Variants in PLPPR1 observed in about 807,000 individuals in gnomAD.
PLPPR1 encodes the protein phospholipid phosphatase related 1.
A neutral mutation model predicts 33.1 loss-of-function variants in PLPPR1; 10 were observed. The observed-to-expected ratio is 0.30, with a 90% CI of 0.19 to 0.51. The LOEUF (loss-of-function observed/expected upper bound fraction) is 0.51. Among genes scored for constraint, PLPPR1 ranks in the 20% least tolerant of loss-of-function variants. The pLI, the probability that PLPPR1 is intolerant of heterozygous loss-of-function variation, is 0.97. For synonymous variants in PLPPR1, 151 were observed against 151.0 expected (o/e 1.00, Z 0.00); for missense variants, 304 against 408.1 (o/e 0.74, Z 2.20).
At chr9:101,147,684 T>C (rs1831537137) in intron 1 of PLPPR1, among the ~76,000 whole-genome samples, 1 of 152,052 alleles carries the variant, frequency 6.6e-6, no homozygotes, top group South Asian at 2.1e-4. Context: ...ACAGCAGGTA[T>C]TTTGGGAGTG....
chr9:101,035,804 G>A (rs1830003791), intron 1 of PLPPR1, among the ~76,000 whole-genome samples: 1 of 152,120 alleles, frequency 6.6e-6, no homozygotes, highest in African/African-American at 2.4e-5. Context: ...CAAGTTCAAA[G>A]ATTCGTTAGA....
intron 1 of PLPPR1, among the ~76,000 whole-genome samples, chr9:101,033,213 A>G (rs1200004402): frequency 1.3e-5 from 2 of 152,200 alleles, no homozygotes; most frequent in Non-Finnish European, 2.9e-5. Flanking sequence ...TGGGGAAAAA[A>G]CATAGTCAGA....
intron 4 of PLPPR1, among the ~76,000 whole-genome samples, chr9:101,291,356 G>A (rs1029209228): frequency 3.0e-4 from 46 of 152,316 alleles, no homozygotes; most frequent in African/African-American, 9.4e-4. Context: ...CACCTCTGGG[G>A]GCAGGGCACA....
intron 1 of PLPPR1, among the ~76,000 whole-genome samples, chr9:101,154,360 G>GGCT (rs1033672812): frequency 1.3e-5 from 2 of 152,018 alleles, no homozygotes; most frequent in African/African-American, 4.8e-5. Flanking sequence ...TTGGTTGGTA[G>GGCT]ACTATTAATT....
At chr9:101,081,418 C>A (rs1830617918) in intron 1 of PLPPR1, among the ~76,000 whole-genome samples, 1 of 152,106 alleles carries the variant, frequency 6.6e-6, no homozygotes, top group African/African-American at 2.4e-5. Context: ...TGGTCTGGAA[C>A]TCCTGACCTC....
chr9:101,213,936 T>C (rs411448), intron 2 of PLPPR1, among the ~76,000 whole-genome samples: 97,943 of 152,114 alleles, frequency 0.64, 31,991 homozygotes, highest in East Asian at 0.91. Context: ...CAAACTTCTA[T>C]GACTCCTTAT....
chr9:101,224,295 G>A (rs999669788), intron 2 of PLPPR1, among the ~76,000 whole-genome samples: 1 of 152,116 alleles, frequency 6.6e-6, no homozygotes, highest in Non-Finnish European at 1.5e-5. Context: ...TAGGGGGGAT[G>A]CCAGGATCAT....
intron 4 of PLPPR1, among the ~76,000 whole-genome samples, chr9:101,302,070 T>C (rs1828764195): frequency 6.6e-6 from 1 of 152,226 alleles, no homozygotes; most frequent in South Asian, 2.1e-4. Context: ...CTATTCTGTT[T>C]GTAACCCAAG....
chr9:101,060,571 C>T (rs187470486), intron 1 of PLPPR1, among the ~76,000 whole-genome samples: 1 of 151,962 alleles, frequency 6.6e-6, no homozygotes, highest in East Asian at 1.9e-4. Context: ...GTTCACCATA[C>T]ATGAATATGT....
chr9:101,221,950 A>G (rs918734803), intron 2 of PLPPR1, among the ~76,000 whole-genome samples: 3 of 152,226 alleles, frequency 2.0e-5, no homozygotes, highest in Non-Finnish European at 4.4e-5. Flanking sequence ...AATTCCTTGT[A>G]TAATGAGAGG....
chr9:101,070,817 C>T (rs920891889), intron 1 of PLPPR1, among the ~76,000 whole-genome samples: 9 of 152,062 alleles, frequency 5.9e-5, no homozygotes, highest in Admixed American at 2.6e-4. Flanking sequence ...ATTCAACGAG[C>T]GCACAGATTT....
chr9:101,248,793 C>G (rs1827660055), intron 2 of PLPPR1, among the ~76,000 whole-genome samples: 1 of 152,016 alleles, frequency 6.6e-6, no homozygotes, highest in Non-Finnish European at 1.5e-5. Flanking sequence ...TCTGCTTCTC[C>G]AAGTGAAACT....
intron 3 of PLPPR1, among the ~76,000 whole-genome samples, chr9:101,281,988 A>G (rs942060136): frequency 2.0e-5 from 3 of 152,186 alleles, no homozygotes; most frequent in Admixed American, 2.0e-4. Flanking sequence ...AATTCTACCA[A>G]AAATTTAAAG....
Position 101,147,900 on chromosome 9 carries a change from A to T in PLPPR1, c.-45-37550A>T, listed in dbSNP as rs1831539217. On this transcript the variant is annotated intron_variant, in intron 1 of 7. Transcript: ENST00000374874. ...CAGGAGTGTTCTGACCTCAAAGCCC[A>T]TTCTTATGGTCAAGTCCAAGGGGCT... 2.0e-5 allele frequency among the ~76,000 whole-genome samples: 3 copies of T among 152,152 alleles called. No individual in the cohort carries two copies. In the South Asian group the frequency reaches 6.2e-4, roughly 31 times the overall value.
intron 1 of PLPPR1, among the ~76,000 whole-genome samples, chr9:101,159,369 AT>A (rs936331543): frequency 2.4e-4 from 36 of 152,190 alleles, no homozygotes; most frequent in Admixed American, 4.6e-4. Context: ...TCCCTTCTGA[AT>A]TTTTTTCTTT....
At chr9:101,183,029 A>G (rs73499889) in intron 1 of PLPPR1, among the ~76,000 whole-genome samples, 1,929 of 151,886 alleles carry the variant, frequency 0.013, 45 homozygotes, top group African/African-American at 0.045. Context: ...GGGAACTCTC[A>G]TACATTGCTG....
intron 3 of PLPPR1, among the ~76,000 whole-genome samples, chr9:101,280,429 C>G (rs891725691): frequency 6.6e-6 from 1 of 152,118 alleles, no homozygotes; most frequent in Non-Finnish European, 1.5e-5. Flanking sequence ...TACTTCCAAA[C>G]TTATTATATG....
intron 2 of PLPPR1, among the ~76,000 whole-genome samples, chr9:101,242,685 T>A (rs1004410015): frequency 6.6e-6 from 1 of 152,092 alleles, no homozygotes; most frequent in Non-Finnish European, 1.5e-5. Flanking sequence ...GAACTGCTAA[T>A]GGAGCCATGG....
At chr9:101,153,236 C>T (rs577857001) in intron 1 of PLPPR1, among the ~76,000 whole-genome samples, 4 of 152,278 alleles carry the variant, frequency 2.6e-5, no homozygotes, top group South Asian at 2.1e-4. Flanking sequence ...GATTTTTGCA[C>T]ATTGATTTTG....
Sources: allele counts gnomAD v4.1 joint callset (sites outside exome capture counted in the v4.1 genomes callset), GRCh38; gene constraint gnomAD v4.1.1; transcripts MANE v1.5; gene names NCBI Gene and HGNC (gene_info 2026-07-23, HGNC 2026-07-21).